ITPR1: variants seen among roughly 807,000 people sequenced by gnomAD.
ITPR1 encodes inositol 1,4,5-trisphosphate-gated calcium channel ITPR1.
A neutral mutation model predicts 318.4 loss-of-function variants in ITPR1; 96 were observed. The observed-to-expected ratio is 0.30, with a 90% CI of 0.26 to 0.36. The LOEUF (loss-of-function observed/expected upper bound fraction) is 0.36, where lower values mean the gene tolerates loss of function less well. ITPR1 is among the 10% of genes least tolerant of loss of function. The probability of loss-of-function intolerance (pLI) is 1.00; values close to 1 mark genes in which losing one functional copy is unlikely to be tolerated. For missense variants in ITPR1, 2,440 were observed against 3,460.2 expected, an observed-to-expected ratio of 0.71 and a Z score of 7.40; for synonymous variants, 1,312 against 1,289.9, an observed-to-expected ratio of 1.02 and a Z score of -0.37.
chr3:4,738,089 A>G (rs925833836), intron 44 of ITPR1, among the ~76,000 whole-genome samples: 5 of 152,196 alleles, frequency 3.3e-5, no homozygotes, highest in African/African-American at 1.2e-4. Flanking sequence ...GAGGGAGAGG[A>G]TGGAAAAATA....
At chr3:4,752,741 T>C (rs1467045135) in intron 44 of ITPR1, among the ~76,000 whole-genome samples, 3 of 152,230 alleles carry the variant, frequency 2.0e-5, no homozygotes, top group African/African-American at 7.2e-5. Context: ...TGAAGAGATC[T>C]TTCTGTCTCA....
Position 4,669,781 on chromosome 3 carries a change from G to C in ITPR1, c.2006+8G>C, listed in dbSNP as rs2094032431. The stretch of plus-strand genomic sequence containing the variant: ...CATCCTGATTGAGACCAAGTGAGTG[G>C]GGAGCCAGGGTTTAGATGGAAAACA... On this transcript the variant is annotated splice_region_variant and intron_variant, in intron 19 of 61. Transcript: ENST00000649015. The C allele has an allele frequency of 1.9e-6, 3 of 1,604,314 alleles. No individual in the cohort carries two copies.
intron 59 of ITPR1, 117 bp downstream of exon 59, chr3:4,815,335 C>A (rs535646751): frequency 2.3e-6 from 2 of 887,004 alleles, no homozygotes; most frequent in Non-Finnish European, 3.4e-6. Flanking sequence ...GAGGGGGCAC[C>A]GGCTGCTGCT....
intron 4 of ITPR1, among the ~76,000 whole-genome samples, chr3:4,572,918 A>T (rs1332146504): frequency 6.6e-6 from 1 of 152,066 alleles, no homozygotes; most frequent in Non-Finnish European, 1.5e-5. Flanking sequence ...ATGTAACATG[A>T]TTTCCTTCAT....
At chr3:4,609,089 T>TATATATATATATATATATACACACAC in intron 4 of ITPR1, among the ~76,000 whole-genome samples, 1 of 91,950 alleles carries the variant, frequency 1.1e-5, no homozygotes, top group South Asian at 3.8e-4. Flanking sequence ...TATATATATA[T>TATATATATATATATATATACACACAC]ACACACACAC....
intron 10 of ITPR1, among the ~76,000 whole-genome samples, chr3:4,651,030 T>C (rs2093586025): frequency 6.6e-6 from 1 of 152,112 alleles, no homozygotes; most frequent in Non-Finnish European, 1.5e-5. Context: ...TTGTGTAGAG[T>C]TAATTTTGGG....
At position 4,539,791 on chromosome 3, in the gene ITPR1, C is replaced by T. The variant is rs149068840; in HGVS notation, c.163+18697C>T. On this transcript the variant is annotated intron_variant, in intron 4 of 61. Coordinates refer to ENST00000649015, the MANE Select transcript of ITPR1 (RefSeq NM_001378452.1). ...AAGTTAGTACATTAGCATGCTCAGC[C>T]CCATCGCCATGGGATACCCTGTGCT... Among the ~76,000 whole-genome samples the T allele has an allele frequency of 7.0e-4, 107 of 152,150 alleles. 1 individual carries two copies. The highest frequency in any genetic ancestry group is 2.4e-3 in the African/African-American group (100 of 41,508).
intron 4 of ITPR1, among the ~76,000 whole-genome samples, chr3:4,521,842 C>T (rs536803298): frequency 6.6e-6 from 1 of 152,148 alleles, no homozygotes; most frequent in East Asian, 1.9e-4. Flanking sequence ...TGTACTCCAG[C>T]CTGGGCGACA....
intron 44 of ITPR1, among the ~76,000 whole-genome samples, chr3:4,743,717 A>G (rs2043868254): frequency 6.6e-6 from 1 of 152,196 alleles, no homozygotes; most frequent in Non-Finnish European, 1.5e-5. Flanking sequence ...CTGGCCTTCC[A>G]TGAGAGGACT....
At chr3:4,672,590 G>T (rs1289941325) in intron 20 of ITPR1, among the ~76,000 whole-genome samples, 2 of 152,190 alleles carry the variant, frequency 1.3e-5, no homozygotes, top group Non-Finnish European at 2.9e-5. Context: ...ACATTCACTT[G>T]CAATTGGATG....
rs188734178 is a variant in ITPR1, at chr3:4,723,833, A to G, written c.5137-1713A>G. On this transcript the variant is annotated intron_variant, in intron 40 of 61. Coordinates refer to ENST00000649015, the MANE Select transcript of ITPR1 (RefSeq NM_001378452.1). Reference sequence around the variant, plus strand: ...TGGGAGGGTTTCCCATGCAAATAGTAGAATATAATACTTCTGTCTATATCT... The same window carrying G: ...TGGGAGGGTTTCCCATGCAAATAGTGGAATATAATACTTCTGTCTATATCT... Among the ~76,000 whole-genome samples, 17 of 152,216 alleles carry G rather than the reference A, an allele frequency of 1.1e-4. No homozygotes were observed. In the East Asian group the frequency reaches 3.3e-3, roughly 29 times the overall value.
chr3:4,546,669 G>A (rs147055325), intron 4 of ITPR1, among the ~76,000 whole-genome samples: 1 of 151,552 alleles, frequency 6.6e-6, no homozygotes, highest in African/African-American at 2.4e-5. Flanking sequence ...TTGTGAATCT[G>A]TCTTAAGGAT....
rs143853009 is a variant in ITPR1 at position 4,804,642 on chromosome 3, T to C, written c.7108-1461T>C. On this transcript the variant is annotated intron_variant, in intron 54 of 61. Coordinates refer to ENST00000649015, the MANE Select transcript of ITPR1 (RefSeq NM_001378452.1). ...GTGTTTGAGGTGCTGTAATGTGTGATGTCACCCAGGGCACCATCTGCCTCT... is the reference window on the plus strand; with the variant it reads ...GTGTTTGAGGTGCTGTAATGTGTGACGTCACCCAGGGCACCATCTGCCTCT... 3.9e-4 allele frequency among the ~76,000 whole-genome samples: 59 copies of C among 152,286 alleles called. No homozygotes were observed. The East Asian group carries it at 0.01, about 26-fold the overall frequency.
intron 22 of ITPR1, 30 bp from the exon 23 acceptor site, chr3:4,675,038 C>T: frequency 7.8e-7 from 1 of 1,275,624 alleles, no homozygotes. Flanking sequence ...TTATGTAATA[C>T]CGTCTTCTTC....
At chr3:4,745,995 T>C (rs2044079892) in intron 44 of ITPR1, among the ~76,000 whole-genome samples, 1 of 152,340 alleles carries the variant, frequency 6.6e-6, no homozygotes, top group Non-Finnish European at 1.5e-5. Flanking sequence ...TTAGGACTTA[T>C]AATGAGCCAG....
Position 4,710,237 on chromosome 3 carries a change from CA to C in ITPR1, c.4843-87del, listed in dbSNP as rs2041252932. The C allele has an allele frequency of 1.6e-6, 2 of 1,269,186 alleles. No individual in the cohort carries two copies. Among genetic ancestry groups the C allele is most frequent in the African/African-American group, 1.5e-5 (1 of 65,952 alleles). The allele number at this position is 1,269,186 out of a possible 1,614,324, so 78.6% of individuals were successfully genotyped here. On this transcript the variant is annotated intron_variant, in intron 37 of 61. Coordinates refer to ENST00000649015, the MANE Select transcript of ITPR1 (RefSeq NM_001378452.1). The surrounding 1 kb of genome is among the most constrained non-coding windows in gnomAD (Gnocchi z 4.2). Reference sequence around the variant, plus strand: ...ACTCTAACCTAGCCTACCCGTGCATCAGTGTTTTAGGGCAGAAATCAATGTC... The same window carrying C: ...ACTCTAACCTAGCCTACCCGTGCATCGTGTTTTAGGGCAGAAATCAATGTC...
chr3:4,670,266 A>T (rs912369340), intron 19 of ITPR1, among the ~76,000 whole-genome samples: 3 of 152,232 alleles, frequency 2.0e-5, no homozygotes, highest in Non-Finnish European at 4.4e-5. Context: ...GACAGCCTTA[A>T]AAAACATACT....
intron 4 of ITPR1, among the ~76,000 whole-genome samples, chr3:4,598,934 T>C (rs908650210): frequency 1.3e-5 from 2 of 152,058 alleles, no homozygotes; most frequent in African/African-American, 2.4e-5. Context: ...TTTCCTCTTT[T>C]GTACAGTGTG....
At chr3:4,510,251 T>G (rs1575355627) in intron 2 of ITPR1, among the ~76,000 whole-genome samples, 1 of 151,288 alleles carries the variant, frequency 6.6e-6, no homozygotes, top group Non-Finnish European at 1.5e-5. Context: ...ATGGCTGGAG[T>G]ATGGAGAGCA....
Sources: allele counts gnomAD v4.1 joint callset (sites outside exome capture counted in the v4.1 genomes callset), GRCh38; gene constraint gnomAD v4.1.1; non-coding constraint Gnocchi (gnomAD v3.1); transcripts MANE v1.5; gene names NCBI Gene and HGNC (gene_info 2026-07-23, HGNC 2026-07-21).